The following ATL1 variants were observed in gnomAD, a reference collection of about 807,000 sequenced individuals.
ATL1 encodes atlastin-1.
ATL1 carries 31 observed loss-of-function variants against 75.5 expected under a neutral mutation model. That is an observed-to-expected ratio of 0.41 (90% CI 0.31 to 0.55). ATL1 has a LOEUF of 0.55. Among genes scored for constraint, ATL1 ranks in the 20% least tolerant of loss-of-function variants. ATL1 has a pLI of 0.27. For synonymous variants in ATL1, 226 were observed against 233.3 expected, an observed-to-expected ratio of 0.97 and a Z score of 0.28; for missense variants, 405 against 662.6, an observed-to-expected ratio of 0.61 and a Z score of 4.27.
chr14:50,611,336 A>T (rs1566730233), intron 6 of ATL1, among the ~76,000 whole-genome samples: 1 of 146,300 alleles, frequency 6.8e-6, no homozygotes, highest in Non-Finnish European at 1.5e-5. Context: ...GGGGAAGTTC[A>T]GGATGATATG....
At chr14:50,593,176 T>C (rs1327226775) in intron 4 of ATL1, among the ~76,000 whole-genome samples, 3 of 152,018 alleles carry the variant, frequency 2.0e-5, no homozygotes, top group East Asian at 1.9e-4. Flanking sequence ...CCTGAATACA[T>C]TGAATATTTT....
intron 1 of ATL1, among the ~76,000 whole-genome samples, chr14:50,542,239 C>T (rs1007286202): frequency 2.2e-4 from 26 of 118,186 alleles, no homozygotes; most frequent in Admixed American, 1.6e-3. Context: ...AATGAGAACA[C>T]GTGGACACAG....
intron 4 of ATL1, among the ~76,000 whole-genome samples, chr14:50,592,987 A>G (rs1334738639): frequency 6.7e-6 from 1 of 148,234 alleles, no homozygotes; most frequent in East Asian, 1.9e-4. Flanking sequence ...ATATGTGTGT[A>G]CATATATCTG....
chr14:50,568,222 A>G (rs920823511), intron 1 of ATL1, among the ~76,000 whole-genome samples: 12 of 152,196 alleles, frequency 7.9e-5, no homozygotes, highest in Admixed American at 6.5e-4. Context: ...ATGCCGTATT[A>G]AAACTTTTAT....
At chr14:50,535,278 G>A (rs2038477426) in intron 1 of ATL1, among the ~76,000 whole-genome samples, 1 of 152,120 alleles carries the variant, frequency 6.6e-6, no homozygotes, top group South Asian at 2.1e-4. Context: ...AAAAGAATTG[G>A]GAGACATAAA....
At chr14:50,546,902 T>C (rs532914937) in intron 1 of ATL1, among the ~76,000 whole-genome samples, 1 of 152,180 alleles carries the variant, frequency 6.6e-6, no homozygotes, top group African/African-American at 2.4e-5. Context: ...GTTTGTTACA[T>C]AGGCATACAC....
chr14:50,592,950 G>A (rs997880103), intron 4 of ATL1, among the ~76,000 whole-genome samples: 7 of 131,862 alleles, frequency 5.3e-5, no homozygotes, highest in Non-Finnish European at 9.3e-5. Context: ...ATATATATGT[G>A]TGTGTGTGTG....
At chr14:50,604,447 G>A (rs1436481011) in intron 6 of ATL1, among the ~76,000 whole-genome samples, 1 of 152,078 alleles carries the variant, frequency 6.6e-6, no homozygotes, top group Non-Finnish European at 1.5e-5. Flanking sequence ...CATAAAGCAT[G>A]TGTACGATAA....
At chr14:50,550,560 A>G (rs2038689778) in intron 1 of ATL1, among the ~76,000 whole-genome samples, 1 of 152,238 alleles carries the variant, frequency 6.6e-6, no homozygotes, top group South Asian at 2.1e-4. Context: ...AACAGCACCA[A>G]TAAGGCAACC....
At chr14:50,591,190 T>A in intron 3 of ATL1, 115 bp downstream of exon 3, 2 of 1,031,042 alleles carry the variant, frequency 1.9e-6, no homozygotes, top group Non-Finnish European at 2.9e-6. Flanking sequence ...ACATGAAGCT[T>A]AAAGTGGGGT....
Position 50,588,071 on chromosome 14 carries a change from A to G in ATL1, c.275A>G (p.Tyr92Cys). The change falls in exon 2 of 14, where the codon TAC (tyrosine) becomes TGC (cysteine). Residue 92 changes from tyrosine (Y) to cysteine (C), a missense_variant. Coordinates refer to ENST00000358385, the MANE Select transcript of ATL1 (RefSeq NM_015915.5). ...FLMDFMLRYM[Y>C]NQESVDWVGD... ...ATGGACTTCATGTTGAGATACATGT[A>G]CAACCAGGTATGCAGGAAGTACTTT... The G allele has an allele frequency of 6.2e-7, 1 of 1,614,230 alleles. No individual in the cohort carries two copies. The highest frequency in any genetic ancestry group is 8.5e-7 in the Non-Finnish European group (1 of 1,180,030).
At chr14:50,615,235 A>T (rs181425410) in intron 8 of ATL1, among the ~76,000 whole-genome samples, 3 of 152,352 alleles carry the variant, frequency 2.0e-5, no homozygotes, top group South Asian at 4.1e-4. Flanking sequence ...GTTCAAAGAC[A>T]TGACTTTTTA....
chr14:50,613,374 T>A, intron 7 of ATL1, 23 bp downstream of exon 7: 1 of 1,559,922 alleles, frequency 6.4e-7, no homozygotes, highest in Non-Finnish European at 8.8e-7. Context: ...TTTAGGTGCA[T>A]GAAATTTCAC....
intron 1 of ATL1, among the ~76,000 whole-genome samples, chr14:50,574,324 C>A (rs577919791): frequency 6.6e-6 from 1 of 152,280 alleles, no homozygotes; most frequent in African/African-American, 2.4e-5. Context: ...ACCCTGTCTT[C>A]CAAAAGTCAT....
chr14:50,592,969 T>TTA (rs10686043), intron 4 of ATL1, among the ~76,000 whole-genome samples: 40,737 of 142,534 alleles, frequency 0.29, 8,244 homozygotes, highest in African/African-American at 0.58. Flanking sequence ...TGTGTGTAAA[T>TTA]TATATATATA....
intron 11 of ATL1, among the ~76,000 whole-genome samples, chr14:50,627,016 A>G (rs2039527426): frequency 6.6e-6 from 1 of 152,212 alleles, no homozygotes; most frequent in South Asian, 2.1e-4. Flanking sequence ...TATGAGTAAA[A>G]TGCTGTCAAA....
At chr14:50,592,139 C>A (rs1175542885) in intron 4 of ATL1, among the ~76,000 whole-genome samples, 2 of 152,106 alleles carry the variant, frequency 1.3e-5, no homozygotes, top group Non-Finnish European at 2.9e-5. Context: ...TCTTTCCTTT[C>A]CTTTTTTCTT....
intron 1 of ATL1, among the ~76,000 whole-genome samples, chr14:50,578,241 G>T (rs1394825503): frequency 6.6e-6 from 1 of 152,060 alleles, no homozygotes; most frequent in Admixed American, 6.6e-5. Flanking sequence ...CACAACTCAG[G>T]TATTTGTTTT....
rs2291674 is a variant in ATL1, at chr14:50,632,644, T to C, written c.*305T>C. ...GCTTGAATTTACTAAATTCTACTAC[T>C]GGGTTATAATTAAATCATGTGATAT... On this transcript the variant is annotated 3_prime_UTR_variant, in exon 14 of 14. Transcript: ENST00000358385. 2,157 of 244,338 alleles carry C rather than the reference T, an allele frequency of 8.8e-3. 137 individuals are homozygous for C. The East Asian group carries it at 0.16, about 18-fold the overall frequency. The allele number at this position is 244,338 out of a possible 1,614,324, so 15.1% of individuals were successfully genotyped here. A position where few individuals can be genotyped will look rare whatever the true frequency, so the allele number is the denominator to read the frequency against.
Sources: allele counts gnomAD v4.1 joint callset (sites outside exome capture counted in the v4.1 genomes callset), GRCh38; gene constraint gnomAD v4.1.1; transcripts MANE v1.5; gene names NCBI Gene and HGNC (gene_info 2026-07-23, HGNC 2026-07-21).